CCBE1: variants seen among roughly 807,000 people sequenced by gnomAD.
The protein encoded by CCBE1 is collagen and calcium-binding EGF domain-containing protein 1.
Under a neutral mutation model 50.0 loss-of-function variants are expected in CCBE1, and 37 were observed. The observed-to-expected ratio is 0.74, with a 90% CI of 0.57 to 0.97. CCBE1 has a LOEUF of 0.97. Ranked by LOEUF, CCBE1 falls within the 50% of genes least tolerant of loss-of-function variation. CCBE1 has a pLI of 0.00. For synonymous variants in CCBE1, 234 were observed against 203.7 expected (o/e 1.15, Z -1.27); for missense variants, 538 against 523.8 (o/e 1.03, Z -0.26).
upstream of CCBE1, chr18:59,697,548 C>T: frequency 1.5e-6 from 1 of 655,502 alleles, no homozygotes; most frequent in South Asian, 2.0e-5. Flanking sequence ...CGGATGCAAA[C>T]CCAGCAGAGA....
At chr18:59,669,433 A>G (rs753902319) in intron 2 of CCBE1, among the ~76,000 whole-genome samples, 2 of 152,204 alleles carry the variant, frequency 1.3e-5, no homozygotes, top group African/African-American at 2.4e-5. Flanking sequence ...CCTTGAATCA[A>G]TAGGACATCC....
chr18:59,569,014 T>TAG (rs142612427), intron 2 of CCBE1, among the ~76,000 whole-genome samples: 6 of 152,216 alleles, frequency 3.9e-5, no homozygotes, highest in Admixed American at 6.5e-5. Context: ...GTTCACTGGC[T>TAG]GTTTCCACTC....
chr18:59,677,668 G>A (rs866934465), intron 2 of CCBE1, among the ~76,000 whole-genome samples: 2 of 151,530 alleles, frequency 1.3e-5, no homozygotes, highest in Non-Finnish European at 2.9e-5. Flanking sequence ...TTGAACCCAG[G>A]AGTTGAGTCT....
chr18:59,543,238 T>A (rs890286222), intron 2 of CCBE1, among the ~76,000 whole-genome samples: 5 of 152,184 alleles, frequency 3.3e-5, no homozygotes, highest in African/African-American at 1.2e-4. Flanking sequence ...TTAATGTAGG[T>A]GATCCCCGCA....
At chr18:59,496,569 G>A (rs1475663176) in intron 2 of CCBE1, among the ~76,000 whole-genome samples, 1 of 152,300 alleles carries the variant, frequency 6.6e-6, no homozygotes, top group Non-Finnish European at 1.5e-5. Flanking sequence ...CATGTTTCTT[G>A]TATAAAATAG....
chr18:59,554,144 A>C (rs1280296908), intron 2 of CCBE1, among the ~76,000 whole-genome samples: 1 of 152,152 alleles, frequency 6.6e-6, no homozygotes, highest in Non-Finnish European at 1.5e-5. Flanking sequence ...CACTCCCCAC[A>C]ATGCCCAGCT....
chr18:59,692,645 A>G (rs1791342), intron 2 of CCBE1, among the ~76,000 whole-genome samples: 126,742 of 151,612 alleles, frequency 0.84, 53,652 homozygotes, highest in Admixed American at 0.92. Context: ...CACATTTGCA[A>G]AAACATCACA....
chr18:59,484,716 A>G (rs141637668), intron 2 of CCBE1, among the ~76,000 whole-genome samples: 30 of 152,354 alleles, frequency 2.0e-4, no homozygotes, highest in Non-Finnish European at 3.4e-4. Context: ...TTTTAATTGC[A>G]TAACTGACCC....
In CCBE1 at chr18:59,628,757, A is replaced by G. The variant is rs1434477576; in HGVS notation, c.212+67872T>C. Among the ~76,000 whole-genome samples, 6 of 152,166 alleles carry G rather than the reference A, an allele frequency of 3.9e-5. No individual in the cohort carries two copies. In the South Asian group the frequency reaches 8.3e-4, roughly 21 times the overall value. On this transcript the variant is annotated intron_variant, in intron 2 of 10. Coordinates refer to ENST00000439986, the MANE Select transcript of CCBE1 (RefSeq NM_133459.4). ...GTCCAAGTGCCAGTCCTTCCTCTCA[A>G]GTGGAACAAAATCCATGCTGAACTA...
At chr18:59,631,332 C>T (rs2053845997) in intron 2 of CCBE1, among the ~76,000 whole-genome samples, 1 of 152,048 alleles carries the variant, frequency 6.6e-6, no homozygotes, top group Non-Finnish European at 1.5e-5. Flanking sequence ...TGAAGCCAGC[C>T]TATCCCTAGA....
chr18:59,469,548 C>G lies in CCBE1; in HGVS notation c.325G>C (p.Val109Leu), dbSNP rs1338189296. 5 of 1,614,208 alleles carry G rather than the reference C, an allele frequency of 3.1e-6. No individual in the cohort carries two copies. Among genetic ancestry groups the G allele is most frequent in the Admixed American group, 3.3e-5 (2 of 60,030 alleles). Residue 109 changes from valine to leucine, a missense_variant, in exon 4 of 11, where the codon GTG (valine) becomes CTG (leucine). Coordinates refer to ENST00000439986, the MANE Select transcript of CCBE1 (RefSeq NM_133459.4). ...EQQCTDNFGRVLCTCYPGYRY... is the reference protein window; with the variant it reads ...EQQCTDNFGRLLCTCYPGYRY... The stretch of plus-strand genomic sequence containing the variant: ...TATCCCGGATAACAAGTACACAGCA[C>G]TCGGCCAAAGTTGTCCGTGCACTGC...
chr18:59,539,454 G>A (rs1249101470), intron 2 of CCBE1, among the ~76,000 whole-genome samples: 1 of 152,166 alleles, frequency 6.6e-6, no homozygotes, highest in Non-Finnish European at 1.5e-5. Flanking sequence ...AACAGCTATG[G>A]TTCAGCTGAC....
At chr18:59,569,498 CAG>C (rs1471863955) in intron 2 of CCBE1, among the ~76,000 whole-genome samples, 1 of 152,094 alleles carries the variant, frequency 6.6e-6, no homozygotes, top group African/African-American at 2.4e-5. Context: ...GATAAGAAAA[CAG>C]AATGTCAAAG....
At chr18:59,690,630 C>T (rs755882727) in intron 2 of CCBE1, among the ~76,000 whole-genome samples, 5 of 152,188 alleles carry the variant, frequency 3.3e-5, no homozygotes, top group Non-Finnish European at 7.3e-5. Flanking sequence ...GGAAGTTGGG[C>T]AGCAACCAGA....
intron 2 of CCBE1, among the ~76,000 whole-genome samples, chr18:59,665,063 T>C (rs535259839): frequency 6.6e-6 from 1 of 152,228 alleles, no homozygotes; most frequent in South Asian, 2.1e-4. Context: ...TTTTCCTCAT[T>C]GCTTGCATGG....
At chr18:59,690,756 G>A (rs2054719017) in intron 2 of CCBE1, among the ~76,000 whole-genome samples, 1 of 152,250 alleles carries the variant, frequency 6.6e-6, no homozygotes, top group East Asian at 1.9e-4. Flanking sequence ...TGAGTGAGAA[G>A]TGATACAGAA....
chr18:59,486,391 G>T (rs1011233219), intron 2 of CCBE1, among the ~76,000 whole-genome samples: 1 of 152,124 alleles, frequency 6.6e-6, no homozygotes. Context: ...AGAAATAGGG[G>T]GAAGACAAGT....
intron 2 of CCBE1, among the ~76,000 whole-genome samples, chr18:59,526,124 G>C (rs959641639): frequency 1.3e-5 from 2 of 152,128 alleles, no homozygotes; most frequent in Non-Finnish European, 2.9e-5. Context: ...TGTGAAGAAT[G>C]TCAATGGTAG....
At chr18:59,473,829 A>C (rs1215571932) in intron 3 of CCBE1, among the ~76,000 whole-genome samples, 1 of 111,880 alleles carries the variant, frequency 8.9e-6, no homozygotes, top group East Asian at 3.5e-4. Context: ...CCTACTACTC[A>C]CCTTCCAACC....
Sources: allele counts gnomAD v4.1 joint callset (sites outside exome capture counted in the v4.1 genomes callset), GRCh38; gene constraint gnomAD v4.1.1; transcripts MANE v1.5; gene names NCBI Gene and HGNC (gene_info 2026-07-23, HGNC 2026-07-21).